CDH13: variants seen among roughly 807,000 people sequenced by gnomAD.
CDH13 encodes cadherin 13.
A neutral mutation model predicts 63.8 loss-of-function variants in CDH13; 24 were observed. The ratio of observed to expected loss-of-function variants is 0.38; its 90% CI spans 0.27 to 0.53. CDH13 has a LOEUF of 0.53. Ranked by LOEUF, CDH13 falls within the 20% of genes least tolerant of loss-of-function variation. CDH13 has a pLI of 0.85. For synonymous variants in CDH13, 503 were observed against 355.3 expected (o/e 1.42, Z -4.67); for missense variants, 1,049 against 903.1 (o/e 1.16, Z -2.07).
chr16:82,743,630 C>CAGACCCAATTTAAAAT (rs2034034079), intron 1 of CDH13, among the ~76,000 whole-genome samples: 1 of 152,144 alleles, frequency 6.6e-6, no homozygotes, highest in African/African-American at 2.4e-5. Flanking sequence ...CTTTCATGTA[C>CAGACCCAATTTAAAAT]ACAATTTAAA....
At chr16:83,601,322 C>T (rs1301861792) in intron 7 of CDH13, among the ~76,000 whole-genome samples, 1 of 152,154 alleles carries the variant, frequency 6.6e-6, no homozygotes, top group Non-Finnish European at 1.5e-5. Context: ...AATGACTGCA[C>T]TCTTCTTCAT....
chr16:83,636,342 T>C (rs1911263887), intron 8 of CDH13, among the ~76,000 whole-genome samples: 4 of 152,206 alleles, frequency 2.6e-5, no homozygotes, highest in Admixed American at 2.6e-4. Context: ...GGAATACATG[T>C]GCAGGTTTGT....
chr16:83,655,029 T>G (rs1912742492), intron 8 of CDH13: 1 of 152,182 alleles, frequency 6.6e-6, no homozygotes, highest in African/African-American at 2.4e-5. Context: ...GCAGCATGCT[T>G]TCCAGTTTTG....
At chr16:83,388,536 C>G (rs1230671531) in intron 6 of CDH13, among the ~76,000 whole-genome samples, 1 of 152,152 alleles carries the variant, frequency 6.6e-6, no homozygotes, top group African/African-American at 2.4e-5. Flanking sequence ...TGGGCAGGAG[C>G]TGAGGAGCAG....
chr16:82,947,497 C>T (rs375124833), intron 2 of CDH13, among the ~76,000 whole-genome samples: 164 of 152,186 alleles, frequency 1.1e-3, no homozygotes, highest in African/African-American at 3.8e-3. Flanking sequence ...TTTGATGTTT[C>T]GGTTTTTCCA....
At chr16:82,919,813 C>G (rs2042100306) in intron 2 of CDH13, among the ~76,000 whole-genome samples, 1 of 152,178 alleles carries the variant, frequency 6.6e-6, no homozygotes, top group Non-Finnish European at 1.5e-5. Context: ...TCTGTTCATT[C>G]AGCAAATATT....
chr16:83,489,156 T>C (rs2073956370), intron 7 of CDH13, among the ~76,000 whole-genome samples: 1 of 152,252 alleles, frequency 6.6e-6, no homozygotes, highest in African/African-American at 2.4e-5. Context: ...GAAAATATTT[T>C]ATAAGTCTCT....
intron 1 of CDH13, among the ~76,000 whole-genome samples, chr16:82,686,926 C>T (rs1044573045): frequency 6.6e-6 from 1 of 152,208 alleles, no homozygotes; most frequent in Admixed American, 6.5e-5. Context: ...ACAACATTGT[C>T]TGTTTTTCAT....
chr16:82,892,671 T>C (rs752721068), intron 2 of CDH13, among the ~76,000 whole-genome samples: 34 of 152,356 alleles, frequency 2.2e-4, no homozygotes, highest in Non-Finnish European at 4.4e-4. Flanking sequence ...AGTTGTTCTG[T>C]CATTTAGCAT....
intron 8 of CDH13, among the ~76,000 whole-genome samples, chr16:83,629,188 T>G (rs1910569536): frequency 6.6e-6 from 1 of 152,238 alleles, no homozygotes; most frequent in African/African-American, 2.4e-5. Flanking sequence ...ACAAAGCCAG[T>G]TAAGCATATG....
chr16:82,929,826 C>G (rs895794266), intron 2 of CDH13, among the ~76,000 whole-genome samples: 1 of 151,850 alleles, frequency 6.6e-6, no homozygotes, highest in Admixed American at 6.6e-5. Context: ...TATCCTGTTA[C>G]AGCATCCCGA....
At chr16:83,010,364 A>G (rs1914024304) in intron 2 of CDH13, among the ~76,000 whole-genome samples, 1 of 152,110 alleles carries the variant, frequency 6.6e-6, no homozygotes, top group Non-Finnish European at 1.5e-5. Flanking sequence ...CATTAACTGT[A>G]AGAGAAAGCT....
At chr16:83,482,431 G>A (rs1015365566) in intron 6 of CDH13, among the ~76,000 whole-genome samples, 14 of 152,352 alleles carry the variant, frequency 9.2e-5, no homozygotes, top group Admixed American at 5.9e-4. Flanking sequence ...TGCTGTAAGC[G>A]TGCTTAATAG....
At chr16:82,801,805 G>A (rs564889702) in intron 1 of CDH13, among the ~76,000 whole-genome samples, 5 of 150,170 alleles carry the variant, frequency 3.3e-5, no homozygotes, top group African/African-American at 1.2e-4. Flanking sequence ...ATTGGGTCAG[G>A]AGATAGCTTT....
At chr16:83,559,043 G>A (rs1217241040) in intron 7 of CDH13, among the ~76,000 whole-genome samples, 1 of 152,192 alleles carries the variant, frequency 6.6e-6, no homozygotes, top group East Asian at 1.9e-4. Flanking sequence ...GGAGTTCCTG[G>A]TGGGAGCTAA....
In CDH13 at chr16:83,670,900, C is replaced by T. The variant is rs35795249; in HGVS notation, c.1212C>T (p.Asn404=). Residue 404 remains asparagine (N), a synonymous_variant, in exon 9 of 14, where the codon AAC becomes AAT. Coordinates refer to ENST00000567109, the MANE Select transcript of CDH13 (RefSeq NM_001257.5). ...GGAGGGCTGCCTACACCATCATCAA[C>T]GGAAACCCCGGGCAGAGCTTTGAAA... The part of the protein sequence containing the change: ...GAWRAAYTII[N]GNPGQSFEIH... 2,331 of 1,613,396 alleles carry T rather than the reference C, an allele frequency of 1.4e-3. 1 individual carries two copies. The highest frequency in any genetic ancestry group is 1.8e-3 in the Non-Finnish European group (2,098 of 1,179,510).
chr16:82,628,182 A>T (rs2150861212), intron 1 of CDH13, among the ~76,000 whole-genome samples: 1 of 152,342 alleles, frequency 6.6e-6, no homozygotes, highest in South Asian at 2.1e-4. Context: ...ACCCCGATCC[A>T]GTCCCCCATC....
intron 5 of CDH13, among the ~76,000 whole-genome samples, chr16:83,218,435 A>G (rs917452227): frequency 4.0e-5 from 6 of 151,700 alleles, no homozygotes; most frequent in African/African-American, 1.5e-4. Flanking sequence ...GAGAACTGAA[A>G]CGTGAGCCAT....
chr16:82,725,258 C>T (rs1168335374), intron 1 of CDH13, among the ~76,000 whole-genome samples: 1 of 152,132 alleles, frequency 6.6e-6, no homozygotes, highest in Non-Finnish European at 1.5e-5. Context: ...TTTCCCCATA[C>T]TCGTTATTGT....
Sources: gnomAD v4.1 joint callset for allele counts (sites outside exome capture counted in the v4.1 genomes callset) on GRCh38, gnomAD v4.1.1 for gene constraint, MANE v1.5 for transcripts, NCBI Gene and HGNC (gene_info 2026-07-23, HGNC 2026-07-21) for gene names.